The following ABHD12 variants were observed in gnomAD, a reference collection of about 807,000 sequenced individuals.
The protein encoded by ABHD12 is abhydrolase domain containing 12, lysophospholipase, also known as lysophosphatidylserine lipase ABHD12.
ABHD12 carries 43 observed loss-of-function variants against 58.3 expected under a neutral mutation model. That is an observed-to-expected ratio of 0.74 (90% CI 0.58 to 0.95). The LOEUF (loss-of-function observed/expected upper bound fraction) is 0.95. Ranked by LOEUF, ABHD12 falls within the 40% of genes least tolerant of loss-of-function variation. ABHD12 has a pLI of 0.00. For synonymous variants in ABHD12, 219 were observed against 211.2 expected, an observed-to-expected ratio of 1.04 and a Z score of -0.32; for missense variants, 539 against 537.2, an observed-to-expected ratio of 1.00 and a Z score of -0.03.
intron 1 of ABHD12, among the ~76,000 whole-genome samples, chr20:25,388,292 G>A (rs1221771018): frequency 6.6e-6 from 1 of 152,204 alleles, no homozygotes; most frequent in Non-Finnish European, 1.5e-5. Flanking sequence ...CTGTTCTATG[G>A]ATATTTGTTC....
Position 25,320,273 on chromosome 20 carries a change from G to A in ABHD12, c.468C>T (p.Asp156=), listed in dbSNP as rs773432339. 1.9e-6 allele frequency: 3 copies of A among 1,614,128 alleles called. No individual in the cohort carries two copies. Among genetic ancestry groups the A allele is most frequent in the Non-Finnish European group, 2.5e-6 (3 of 1,180,036 alleles). ...CCAAGGCATCCTCATACCACATCTG[G>A]TCTTTGCCTTGGGCGTTCTTCCACC... The part of the protein sequence containing the change: ...AVWWKNAQGK[D]QMWYEDALAS... Residue 156 remains aspartate (D), a synonymous_variant, in exon 4 of 13, where the codon GAC becomes GAT. Coordinates refer to ENST00000339157, the MANE Select transcript of ABHD12 (RefSeq NM_001042472.3).
intron 2 of ABHD12, among the ~76,000 whole-genome samples, chr20:25,330,856 G>C (rs898728654): frequency 6.6e-6 from 1 of 151,688 alleles, no homozygotes; most frequent in Non-Finnish European, 1.5e-5. Context: ...AAACCACAAA[G>C]ATGGGGAAAA....
At chr20:25,369,268 C>T (rs55893280) in intron 1 of ABHD12, among the ~76,000 whole-genome samples, 31 of 152,234 alleles carry the variant, frequency 2.0e-4, no homozygotes, top group African/African-American at 6.5e-4. Context: ...AATGTCTCTT[C>T]GAGTTCTAGG....
chr20:25,386,959 T>C (rs560721192), intron 1 of ABHD12, among the ~76,000 whole-genome samples: 1 of 152,342 alleles, frequency 6.6e-6, no homozygotes, highest in African/African-American at 2.4e-5. Flanking sequence ...AATACAATGA[T>C]GATTCAATAA....
chr20:25,372,220 CTT>C (rs539579415), intron 1 of ABHD12, among the ~76,000 whole-genome samples: 6 of 144,630 alleles, frequency 4.1e-5, no homozygotes, highest in Admixed American at 1.4e-4. Flanking sequence ...TCAGCCTCTT[CTT>C]TTTTTTTTTT....
At chr20:25,302,569 C>T (rs1328729237) in intron 11 of ABHD12, among the ~76,000 whole-genome samples, 1 of 152,246 alleles carries the variant, frequency 6.6e-6, no homozygotes, top group East Asian at 1.9e-4. Context: ...ATACTGTCCT[C>T]ACACCTTATA....
intron 3 of ABHD12, 131 bp from the exon 4 acceptor site, chr20:25,320,449 G>T (rs567610784): frequency 1.4e-5 from 17 of 1,183,500 alleles, no homozygotes; most frequent in African/African-American, 4.5e-5. Context: ...CTAACTACAG[G>T]GGAACAGATG....
intron 2 of ABHD12, among the ~76,000 whole-genome samples, chr20:25,335,285 A>G (rs903636282): frequency 1.1e-4 from 17 of 152,000 alleles, no homozygotes; most frequent in Non-Finnish European, 4.4e-5. Context: ...TAGAATGGCA[A>G]TCATTAAAAA....
chr20:25,367,334 A>G (rs2089836392), intron 1 of ABHD12, among the ~76,000 whole-genome samples: 1 of 152,176 alleles, frequency 6.6e-6, no homozygotes, highest in Non-Finnish European at 1.5e-5. Context: ...CATATTAAGA[A>G]AGGGGAAATG....
chr20:25,354,597 T>C (rs1184235378), intron 1 of ABHD12, among the ~76,000 whole-genome samples: 3 of 152,216 alleles, frequency 2.0e-5, no homozygotes, highest in Non-Finnish European at 4.4e-5. Context: ...ACAGCCCATC[T>C]TTCCTGATGG....
Position 25,368,312 on chromosome 20 carries a change from C to G in ABHD12, c.191+22201G>C, listed in dbSNP as rs184779702. The G allele has an allele frequency of 2.4e-5, 37 of 1,544,502 alleles. No individual in the cohort carries two copies. In the East Asian group the frequency reaches 8.3e-4, roughly 35 times the overall value. ...ACAGTCAGCAATGGTGATCTTCTTG[C>G]TGGTCTTGCCATTCCTGGAACCACA... On this transcript the variant is annotated intron_variant, in intron 1 of 12. Coordinates refer to ENST00000339157, the MANE Select transcript of ABHD12 (RefSeq NM_001042472.3).
At chr20:25,361,586 G>C (rs949300290) in intron 1 of ABHD12, among the ~76,000 whole-genome samples, 5 of 152,174 alleles carry the variant, frequency 3.3e-5, no homozygotes, top group African/African-American at 1.2e-4. Flanking sequence ...AGTTTATCCT[G>C]TTCCATCTTT....
chr20:25,298,919 G>A (rs1009165027), downstream of ABHD12, among the ~76,000 whole-genome samples: 2 of 152,162 alleles, frequency 1.3e-5, no homozygotes, highest in Admixed American at 1.3e-4. Context: ...GCACCAAGGT[G>A]GTGCCCTGGG....
chr20:25,382,977 C>T (rs1483547471), intron 1 of ABHD12, among the ~76,000 whole-genome samples: 2 of 152,174 alleles, frequency 1.3e-5, no homozygotes, highest in East Asian at 1.9e-4. Flanking sequence ...ACAAAGCCAG[C>T]CCCATGCCTT....
At chr20:25,387,904 G>A (rs146702357) in intron 1 of ABHD12, among the ~76,000 whole-genome samples, 5,309 of 151,962 alleles carry the variant, frequency 0.035, 119 homozygotes, top group Non-Finnish European at 0.054. Flanking sequence ...AGCCAGGCAC[G>A]GTGACGGGCG....
At chr20:25,312,326 G>A (rs3002700) in intron 6 of ABHD12, among the ~76,000 whole-genome samples, 3,831 of 152,176 alleles carry the variant, frequency 0.025, 147 homozygotes, top group African/African-American at 0.084. Flanking sequence ...TTGCAGCAGC[G>A]CGCTGCCATG....
chr20:25,303,490 A>AC, intron 11 of ABHD12, 60 bp downstream of exon 11: 2 of 1,601,138 alleles, frequency 1.2e-6, no homozygotes, highest in Non-Finnish European at 1.7e-6. Flanking sequence ...AGCCTGGTCC[A>AC]CCCACACTGG....
At chr20:25,371,281 G>A (rs369000945) in intron 1 of ABHD12, among the ~76,000 whole-genome samples, 8 of 152,160 alleles carry the variant, frequency 5.3e-5, no homozygotes, top group Non-Finnish European at 8.8e-5. Flanking sequence ...GTACCAAGCC[G>A]CTCTATCAGG....
chr20:25,385,172 T>C (rs958489241), intron 1 of ABHD12, among the ~76,000 whole-genome samples: 4 of 151,916 alleles, frequency 2.6e-5, no homozygotes, highest in Non-Finnish European at 1.5e-5. Context: ...ACCCTGTCTC[T>C]ACTAAAAATA....
Sources: gnomAD v4.1 joint callset for allele counts (sites outside exome capture counted in the v4.1 genomes callset) on GRCh38, gnomAD v4.1.1 for gene constraint, MANE v1.5 for transcripts, NCBI Gene and HGNC (gene_info 2026-07-23, HGNC 2026-07-21) for gene names.